Variants in TENM3 observed in about 807,000 individuals in gnomAD.
The protein encoded by TENM3 is teneurin-3.
In TENM3, 63 loss-of-function variants were observed where a neutral mutation model predicts 255.1. The ratio of observed to expected loss-of-function variants is 0.25; its 90% CI spans 0.20 to 0.30. The LOEUF is 0.30. TENM3 is among the 10% of genes least tolerant of loss of function. The probability of loss-of-function intolerance (pLI) is 1.00; values close to 1 mark genes in which losing one functional copy is unlikely to be tolerated. For synonymous variants in TENM3, 1,306 were observed against 1,322.3 expected (o/e 0.99, Z 0.27); for missense variants, 2,929 against 3,461.1 (o/e 0.85, Z 3.86).
intron 3 of TENM3, among the ~76,000 whole-genome samples, chr4:182,527,062 T>C (rs1030443383): frequency 9.2e-5 from 14 of 152,202 alleles, no homozygotes; most frequent in African/African-American, 3.4e-4. Context: ...TTATATTGTT[T>C]TTCTTTAGAG....
At chr4:182,341,819 A>G in intron 2 of TENM3, among the ~76,000 whole-genome samples, 1 of 152,234 alleles carries the variant, frequency 6.6e-6, no homozygotes, top group Non-Finnish European at 1.5e-5. Context: ...ATGATAGAAT[A>G]AAATAATAAA....
the TENM3 span, among the ~76,000 whole-genome samples, chr4:181,574,766 G>A: frequency 7.2e-4 from 110 of 152,112 alleles, no homozygotes; most frequent in African/African-American, 2.5e-3. Flanking sequence ...GAACTGGAGA[G>A]GGCTAACTTA....
the TENM3 span, among the ~76,000 whole-genome samples, chr4:181,632,622 G>T: frequency 6.6e-6 from 1 of 152,122 alleles, no homozygotes; most frequent in Non-Finnish European, 1.5e-5. Context: ...ATGATTTTTA[G>T]CTTGATCTTC....
At chr4:182,437,894 G>A (rs13114017) in intron 3 of TENM3, among the ~76,000 whole-genome samples, 11,747 of 152,064 alleles carry the variant, frequency 0.077, 599 homozygotes, top group Non-Finnish European at 0.12. Context: ...AGTGGTTGCA[G>A]TGAGCCGAGA....
the TENM3 span, among the ~76,000 whole-genome samples, chr4:182,118,211 A>C: frequency 6.6e-6 from 1 of 152,108 alleles, no homozygotes; most frequent in Admixed American, 6.5e-5. Flanking sequence ...CTATGCAGAC[A>C]ATCATGTCAT....
At chr4:182,643,788 G>T (rs1270875612) in intron 5 of TENM3, among the ~76,000 whole-genome samples, 2 of 152,204 alleles carry the variant, frequency 1.3e-5, no homozygotes, top group Non-Finnish European at 2.9e-5. Context: ...TTTTGGAAGT[G>T]TACCACAGTG....
At chr4:181,901,591 A>C in the TENM3 span, among the ~76,000 whole-genome samples, 1 of 152,168 alleles carries the variant, frequency 6.6e-6, no homozygotes, top group Admixed American at 6.5e-5. Context: ...CTTCCATGGC[A>C]TGTGCTCTAT....
At chr4:182,263,245 A>G (rs997269992) in intron 1 of TENM3, among the ~76,000 whole-genome samples, 16 of 152,082 alleles carry the variant, frequency 1.1e-4, no homozygotes, top group African/African-American at 3.6e-4. Context: ...AGACTGCAGC[A>G]CTGATTGGGT....
chr4:181,582,685 AAG>A, the TENM3 span, among the ~76,000 whole-genome samples: 8,349 of 141,312 alleles, frequency 0.059, 436 homozygotes, highest in African/African-American at 0.15. Flanking sequence ...AAAAAAAAAA[AAG>A]AAAGAAAGAA....
chr4:182,547,163 C>T (rs1741533701), intron 3 of TENM3, among the ~76,000 whole-genome samples: 1 of 152,064 alleles, frequency 6.6e-6, no homozygotes, highest in African/African-American at 2.4e-5. Flanking sequence ...AGGCATGGTA[C>T]AAGCGTTTGT....
chr4:182,338,531 G>T (rs1240330530), intron 2 of TENM3, among the ~76,000 whole-genome samples: 1 of 152,088 alleles, frequency 6.6e-6, no homozygotes, highest in Non-Finnish European at 1.5e-5. Flanking sequence ...ATGATAAGTG[G>T]TTTTTAAATG....
chr4:182,787,169 G>A (rs544279239), intron 24 of TENM3, among the ~76,000 whole-genome samples: 20 of 152,324 alleles, frequency 1.3e-4, no homozygotes, highest in African/African-American at 3.6e-4. Context: ...AGACAGTTCC[G>A]CATGGAAGCT....
At chr4:182,408,843 G>A (rs542622186) in intron 3 of TENM3, among the ~76,000 whole-genome samples, 197 of 152,342 alleles carry the variant, frequency 1.3e-3, no homozygotes, top group African/African-American at 4.5e-3. Context: ...TGAATCACAT[G>A]GGATGCCCCT....
At chr4:182,563,247 G>A (rs1185362488) in intron 3 of TENM3, among the ~76,000 whole-genome samples, 1 of 151,962 alleles carries the variant, frequency 6.6e-6, no homozygotes, top group Non-Finnish European at 1.5e-5. Context: ...TGCATATGTA[G>A]AGACAAAATG....
chr4:181,552,019 G>T, the TENM3 span, among the ~76,000 whole-genome samples: 1 of 151,890 alleles, frequency 6.6e-6, no homozygotes, highest in Non-Finnish European at 1.5e-5. Context: ...AGATGTTTAT[G>T]TGGGGTGGGA....
chr4:181,598,051 G>A, the TENM3 span, among the ~76,000 whole-genome samples: 23,680 of 152,064 alleles, frequency 0.16, 1,869 homozygotes, highest in East Asian at 0.22. Flanking sequence ...TTGTCTGCTA[G>A]GGTATTAGTA....
chr4:182,682,934 T>C (rs919641777), intron 11 of TENM3, among the ~76,000 whole-genome samples: 1 of 152,214 alleles, frequency 6.6e-6, no homozygotes, highest in Non-Finnish European at 1.5e-5. Flanking sequence ...TTACATGGAA[T>C]ATTATGCTAA....
chr4:182,154,555 T>G (rs1750570247), intron 1 of TENM3, among the ~76,000 whole-genome samples: 1 of 152,196 alleles, frequency 6.6e-6, no homozygotes, highest in Admixed American at 6.5e-5. Context: ...TGATGCAAGA[T>G]AATGAAGCCA....
chr4:181,622,540 G>A, the TENM3 span, among the ~76,000 whole-genome samples: 1 of 152,054 alleles, frequency 6.6e-6, no homozygotes, highest in Non-Finnish European at 1.5e-5. Flanking sequence ...GCCGAGTATG[G>A]TGGCAAGAGC....
Sources: gnomAD v4.1 joint callset for allele counts (sites outside exome capture counted in the v4.1 genomes callset) on GRCh38, gnomAD v4.1.1 for gene constraint, MANE v1.5 for transcripts, NCBI Gene and HGNC (gene_info 2026-07-23, HGNC 2026-07-21) for gene names.